AGBL1: variants seen among roughly 807,000 people sequenced by gnomAD.
AGBL1 encodes cytosolic carboxypeptidase 4.
Under a neutral mutation model 118.9 loss-of-function variants are expected in AGBL1, and 130 were observed. The ratio of observed to expected loss-of-function variants is 1.09; its 90% CI spans 0.95 to 1.26. The LOEUF (loss-of-function observed/expected upper bound fraction) is 1.26. Among genes scored for constraint, AGBL1 ranks in the 50% most tolerant of loss-of-function variants. The pLI is 0.00. For synonymous variants in AGBL1, 555 were observed against 478.9 expected (o/e 1.16, Z -2.08); for missense variants, 1,584 against 1,298.1 (o/e 1.22, Z -3.38).
chr15:86,215,160 A>T (rs958624870), intron 5 of AGBL1, among the ~76,000 whole-genome samples: 1 of 151,492 alleles, frequency 6.6e-6, no homozygotes, highest in Non-Finnish European at 1.5e-5. Flanking sequence ...GGTTAGCAAG[A>T]TCCGTGTGTT....
At chr15:86,594,323 A>T (rs1567075242) in intron 21 of AGBL1, among the ~76,000 whole-genome samples, 1 of 152,070 alleles carries the variant, frequency 6.6e-6, no homozygotes, top group Non-Finnish European at 1.5e-5. Flanking sequence ...GTTAAAGATT[A>T]GTGCATCTTT....
intron 22 of AGBL1, among the ~76,000 whole-genome samples, chr15:86,707,466 C>T (rs1454897343): frequency 2.6e-5 from 4 of 152,048 alleles, no homozygotes; most frequent in Non-Finnish European, 5.9e-5. Flanking sequence ...AGAGAGAGAG[C>T]ATTAAATAAA....
chr15:86,788,382 A>T (rs2078445035), intron 22 of AGBL1, among the ~76,000 whole-genome samples: 2 of 152,242 alleles, frequency 1.3e-5, no homozygotes, highest in Non-Finnish European at 2.9e-5. Flanking sequence ...ACAGAACTTG[A>T]CCTTCAAGAG....
rs182550833 is a variant in AGBL1, at chr15:86,702,408, C to T, written c.3158+27972C>T. Reference sequence around the variant, plus strand: ...TATGTAGTCAGTCCCTTCAATAGTTCTAGATATATAGTAGGTGCTCAATAA... The same window carrying T: ...TATGTAGTCAGTCCCTTCAATAGTTTTAGATATATAGTAGGTGCTCAATAA... On this transcript the variant is annotated intron_variant, in intron 22 of 22. Transcript: ENST00000614907. 3.9e-3 allele frequency among the ~76,000 whole-genome samples: 586 copies of T among 152,178 alleles called. 1 individual carries two copies. The highest frequency in any genetic ancestry group is 6.8e-3 in the Middle Eastern group (2 of 294).
chr15:86,923,039 G>A (rs1419641484), intron 23 of AGBL1, among the ~76,000 whole-genome samples: 3 of 152,212 alleles, frequency 2.0e-5, no homozygotes, highest in African/African-American at 7.2e-5. Context: ...ACTGCAGCAA[G>A]AAGGAGTCCA....
intron 22 of AGBL1, among the ~76,000 whole-genome samples, chr15:86,772,728 A>G (rs187790507): frequency 6.6e-6 from 1 of 152,214 alleles, no homozygotes; most frequent in East Asian, 1.9e-4. Context: ...TTTGTCAACT[A>G]AGGCAGAAAG....
At chr15:86,709,057 C>G (rs1176476900) in intron 22 of AGBL1, among the ~76,000 whole-genome samples, 2 of 152,118 alleles carry the variant, frequency 1.3e-5, no homozygotes, top group African/African-American at 4.8e-5. Flanking sequence ...ATGCCAAATT[C>G]CAATTCACTT....
intron 22 of AGBL1, among the ~76,000 whole-genome samples, chr15:86,864,423 C>T (rs1021861563): frequency 6.6e-6 from 1 of 152,124 alleles, no homozygotes; most frequent in Non-Finnish European, 1.5e-5. Flanking sequence ...GTTCATATCA[C>T]ACTATTAGTA....
intron 23 of AGBL1, among the ~76,000 whole-genome samples, chr15:86,954,190 G>A (rs2080907608): frequency 6.6e-6 from 1 of 152,210 alleles, no homozygotes; most frequent in Non-Finnish European, 1.5e-5. Context: ...CTTATAAACT[G>A]TTGGTAAGGA....
chr15:86,754,024 T>C (rs1227139102), intron 22 of AGBL1, among the ~76,000 whole-genome samples: 22 of 152,010 alleles, frequency 1.4e-4, no homozygotes, highest in Admixed American at 1.4e-3. Context: ...GAAACCTAAA[T>C]CAGGAAACTT....
intron 1 of AGBL1, among the ~76,000 whole-genome samples, chr15:86,127,145 CTTGGTATGT>C (rs1489936953): frequency 6.6e-6 from 1 of 152,188 alleles, no homozygotes; most frequent in Non-Finnish European, 1.5e-5. Context: ...CTCTCTGATC[CTTGGTATGT>C]TTGACCTTAG....
intron 22 of AGBL1, among the ~76,000 whole-genome samples, chr15:86,791,987 C>A (rs1817121): frequency 6.6e-6 from 1 of 152,086 alleles, no homozygotes; most frequent in East Asian, 1.9e-4. Context: ...CTGCCCACTT[C>A]GGCCTCCTAA....
chr15:86,857,077 C>T (rs2079493631), intron 22 of AGBL1, among the ~76,000 whole-genome samples: 2 of 152,164 alleles, frequency 1.3e-5, no homozygotes, highest in South Asian at 4.1e-4. Context: ...CCCCTGTCAC[C>T]TGCCACATTG....
chr15:86,763,935 T>A (rs923252199), intron 22 of AGBL1, among the ~76,000 whole-genome samples: 8 of 152,172 alleles, frequency 5.3e-5, no homozygotes, highest in African/African-American at 1.7e-4. Context: ...ATTGTGAATA[T>A]CTGGAGATAC....
intron 18 of AGBL1, among the ~76,000 whole-genome samples, chr15:86,484,904 C>G (rs2082695099): frequency 6.6e-6 from 1 of 152,156 alleles, no homozygotes; most frequent in Non-Finnish European, 1.5e-5. Flanking sequence ...GATTGTTCCA[C>G]TCTGTTTTAC....
intron 1 of AGBL1, among the ~76,000 whole-genome samples, chr15:86,084,350 T>A (rs1895491487): frequency 2.6e-5 from 4 of 152,174 alleles, no homozygotes; most frequent in Admixed American, 1.3e-4. Flanking sequence ...GAACAATTAT[T>A]AAGGGTCCAC....
intron 1 of AGBL1, among the ~76,000 whole-genome samples, chr15:86,108,917 A>C (rs1020314093): frequency 1.3e-5 from 2 of 152,218 alleles, no homozygotes; most frequent in Non-Finnish European, 2.9e-5. Context: ...AGATCGCGCC[A>C]CTGCTCTCCA....
intron 22 of AGBL1, among the ~76,000 whole-genome samples, chr15:86,689,684 C>A (rs1433808692): frequency 6.6e-6 from 1 of 151,978 alleles, no homozygotes; most frequent in Non-Finnish European, 1.5e-5. Context: ...TATTAGAGAA[C>A]TTTTATGTAT....
chr15:86,425,003 C>T (rs1224026660), intron 18 of AGBL1, among the ~76,000 whole-genome samples: 2 of 152,116 alleles, frequency 1.3e-5, no homozygotes, highest in African/African-American at 2.4e-5. Flanking sequence ...GAATCTAGAA[C>T]CAGAAATACC....
Sources: allele counts gnomAD v4.1 joint callset (sites outside exome capture counted in the v4.1 genomes callset), GRCh38; gene constraint gnomAD v4.1.1; transcripts MANE v1.5; gene names NCBI Gene and HGNC (gene_info 2026-07-23, HGNC 2026-07-21).